The following SAMD4A variants were observed in gnomAD, a reference collection of about 807,000 sequenced individuals.
SAMD4A encodes sterile alpha motif domain containing 4A, also known as protein Smaug homolog 1.
SAMD4A carries 33 observed loss-of-function variants against 81.3 expected under a neutral mutation model. The observed-to-expected ratio is 0.41, with a 90% CI of 0.31 to 0.54. The LOEUF (loss-of-function observed/expected upper bound fraction) is 0.54. Among genes scored for constraint, SAMD4A ranks in the 20% least tolerant of loss-of-function variants. The probability of loss-of-function intolerance (pLI) is 0.37; values close to 1 mark genes in which losing one functional copy is unlikely to be tolerated. For missense variants in SAMD4A, 854 were observed against 951.1 expected, an observed-to-expected ratio of 0.90 and a Z score of 1.34; for synonymous variants, 389 against 382.1, an observed-to-expected ratio of 1.02 and a Z score of -0.21.
chr14:54,770,584 CA>C (rs762309470), intron 9 of SAMD4A, among the ~76,000 whole-genome samples: 1 of 152,126 alleles, frequency 6.6e-6, no homozygotes, highest in Non-Finnish European at 1.5e-5. Flanking sequence ...GTTGTTCTAT[CA>C]ATCAGCACCT....
At chr14:54,692,682 G>A (rs1052497263) in intron 2 of SAMD4A, among the ~76,000 whole-genome samples, 1 of 152,182 alleles carries the variant, frequency 6.6e-6, no homozygotes, top group East Asian at 1.9e-4. Flanking sequence ...AGATTAGAGA[G>A]TGGGAAAGCT....
intron 4 of SAMD4A, among the ~76,000 whole-genome samples, chr14:54,742,930 T>C (rs2037880052): frequency 6.6e-6 from 1 of 152,212 alleles, no homozygotes; most frequent in South Asian, 2.1e-4. Flanking sequence ...GAAAAACTTT[T>C]TCTCTCTGTA....
intron 2 of SAMD4A, among the ~76,000 whole-genome samples, chr14:54,646,355 C>A (rs984927492): frequency 6.6e-6 from 1 of 152,138 alleles, no homozygotes; most frequent in Non-Finnish European, 1.5e-5. Flanking sequence ...ATAAATGCAG[C>A]CCAGGTGTAC....
intron 3 of SAMD4A, among the ~76,000 whole-genome samples, chr14:54,716,196 C>T (rs1222415836): frequency 6.6e-6 from 1 of 152,106 alleles, no homozygotes; most frequent in African/African-American, 2.4e-5. Context: ...CAGCTTTTGC[C>T]CTGTCTCAAA....
At chr14:54,775,217 T>C in intron 10 of SAMD4A, 82 bp downstream of exon 10, 1 of 1,531,062 alleles carries the variant, frequency 6.5e-7, no homozygotes, top group South Asian at 1.1e-5. Flanking sequence ...GACCCCAGGG[T>C]GGGGAGAGAG....
chr14:54,754,909 A>G lies in SAMD4A; in HGVS notation c.1176+3372A>G, dbSNP rs78621739. 253 of 951,128 alleles carry G rather than the reference A, an allele frequency of 2.7e-4. No homozygotes were observed. In the African/African-American group the frequency reaches 4.0e-3, roughly 15 times the overall value. The allele number at this position is 951,128 out of a possible 1,614,324, so 58.9% of individuals were successfully genotyped here. A position where few individuals can be genotyped will look rare whatever the true frequency, so the allele number is the denominator to read the frequency against. On this transcript the variant is annotated intron_variant, in intron 6 of 12. Transcript: ENST00000554335. Reference sequence around the variant, plus strand: ...ATTGGAGATTAACCGTGAGTCATACATGGTTCCTGCAATGGGGAGCTGGGG... The same window carrying G: ...ATTGGAGATTAACCGTGAGTCATACGTGGTTCCTGCAATGGGGAGCTGGGG...
At chr14:54,687,960 C>G (rs2036320559) in intron 2 of SAMD4A, 1 of 986,114 alleles carries the variant, frequency 1.0e-6, no homozygotes, top group Non-Finnish European at 1.2e-6. Context: ...ATCATAATAC[C>G]CAGCCAGACA....
chr14:54,593,373 A>G (rs1337816586), intron 2 of SAMD4A, among the ~76,000 whole-genome samples: 2 of 151,984 alleles, frequency 1.3e-5, no homozygotes, highest in Non-Finnish European at 2.9e-5. Context: ...TGGCTGGTTT[A>G]TTTGTCATTT....
chr14:54,762,119 G>A (rs369442174), intron 7 of SAMD4A, among the ~76,000 whole-genome samples: 126 of 152,266 alleles, frequency 8.3e-4, no homozygotes, highest in African/African-American at 2.5e-3. Flanking sequence ...ACTCCACAGC[G>A]TGGTCCTTTG....
chr14:54,700,710 A>AGAGCCTGTGAAT (rs2036692656), intron 2 of SAMD4A, among the ~76,000 whole-genome samples: 1 of 152,222 alleles, frequency 6.6e-6, no homozygotes. Context: ...CCTCTGGCCC[A>AGAGCCTGTGAAT]GAGCCTGTGA....
chr14:54,742,140 C>A (rs566749082), intron 4 of SAMD4A, among the ~76,000 whole-genome samples: 2 of 151,860 alleles, frequency 1.3e-5, no homozygotes, highest in Non-Finnish European at 2.9e-5. Flanking sequence ...GGAAGTGGGA[C>A]CGATGCAAGC....
chr14:54,672,020 GTTTTTTT>G, intron 2 of SAMD4A, among the ~76,000 whole-genome samples: 1 of 125,066 alleles, frequency 8.0e-6, no homozygotes, highest in African/African-American at 3.1e-5. Context: ...TGTTTATAGT[GTTTTTTT>G]TTTTTTTTTT....
chr14:54,612,590 G>A (rs1350871149), intron 2 of SAMD4A, among the ~76,000 whole-genome samples: 2 of 152,126 alleles, frequency 1.3e-5, no homozygotes, highest in Non-Finnish European at 2.9e-5. Context: ...GCATGAAAAT[G>A]ACTTATTTCC....
chr14:54,620,905 A>G (rs757438403), intron 2 of SAMD4A, among the ~76,000 whole-genome samples: 2 of 152,148 alleles, frequency 1.3e-5, no homozygotes, highest in Non-Finnish European at 2.9e-5. Flanking sequence ...GACTGCAGGT[A>G]CACACCACCA....
At chr14:54,593,080 A>G (rs991418656) in intron 2 of SAMD4A, among the ~76,000 whole-genome samples, 2 of 152,234 alleles carry the variant, frequency 1.3e-5, no homozygotes, top group Admixed American at 6.5e-5. Flanking sequence ...CCCAACATTC[A>G]GCTTCAGTAA....
chr14:54,695,387 GC>G (rs1434587112), intron 2 of SAMD4A, among the ~76,000 whole-genome samples: 2 of 152,194 alleles, frequency 1.3e-5, no homozygotes, highest in Non-Finnish European at 2.9e-5. Flanking sequence ...TTGGCAGGAG[GC>G]CTGAACTCCT....
chr14:54,680,620 C>T (rs914239767), intron 2 of SAMD4A, among the ~76,000 whole-genome samples: 4 of 152,192 alleles, frequency 2.6e-5, no homozygotes, highest in Non-Finnish European at 5.9e-5. Flanking sequence ...CAAGAAACTT[C>T]CAGCATATTT....
At chr14:54,784,761 G>C (rs2139985744) in intron 12 of SAMD4A, 141 bp downstream of exon 12, 2 of 777,292 alleles carry the variant, frequency 2.6e-6, no homozygotes, top group Admixed American at 1.9e-5. Flanking sequence ...CAGGGAGAAA[G>C]AGTGGCCTTA....
At chr14:54,595,419 T>TTATA (rs955641809) in intron 2 of SAMD4A, among the ~76,000 whole-genome samples, 1 of 148,218 alleles carries the variant, frequency 6.7e-6, no homozygotes, top group East Asian at 1.9e-4. Context: ...ATGTGTTTAT[T>TTATA]TATATATATA....
Sources: gnomAD v4.1 joint callset for allele counts (sites outside exome capture counted in the v4.1 genomes callset) on GRCh38, gnomAD v4.1.1 for gene constraint, MANE v1.5 for transcripts, NCBI Gene and HGNC (gene_info 2026-07-23, HGNC 2026-07-21) for gene names.